Variants in MTUS2 observed in about 807,000 individuals in gnomAD.
MTUS2 encodes microtubule associated scaffold protein 2.
In MTUS2, 40 loss-of-function variants were observed where a neutral mutation model predicts 114.1. The ratio of observed to expected loss-of-function variants is 0.35; its 90% CI spans 0.27 to 0.46. The LOEUF (loss-of-function observed/expected upper bound fraction) is 0.46. Among genes scored for constraint, MTUS2 ranks in the 20% least tolerant of loss-of-function variants. The pLI is 1.00. For missense variants in MTUS2, 1,679 were observed against 1,705.4 expected, an observed-to-expected ratio of 0.98 and a Z score of 0.27; for synonymous variants, 688 against 672.0, an observed-to-expected ratio of 1.02 and a Z score of -0.37.
At chr13:28,945,822 T>G (rs189124400) in intron 2 of MTUS2, among the ~76,000 whole-genome samples, 34 of 152,350 alleles carry the variant, frequency 2.2e-4, no homozygotes, top group Middle Eastern at 6.8e-3. Context: ...AACTTTATAG[T>G]GTGAGTCCCA....
rs149994144 is a variant in MTUS2, at chr13:28,983,383, A to G, written c.-242-41074A>G. On this transcript the variant is annotated intron_variant, in intron 2 of 15. Coordinates refer to ENST00000612955, the MANE Select transcript of MTUS2 (RefSeq NM_001033602.4). ...CATGTGTGGCTGTTGTGCACTTCCA[A>G]TGTGGCTCATCCAAGTTGAGGTGTG... Among the ~76,000 whole-genome samples the G allele has an allele frequency of 4.8e-3, 727 of 152,338 alleles. 7 individuals are homozygous for G. The highest frequency in any genetic ancestry group is 0.016 in the African/African-American group (673 of 41,582).
intron 8 of MTUS2, among the ~76,000 whole-genome samples, chr13:29,365,825 T>G (rs1396909411): frequency 1.3e-5 from 2 of 152,208 alleles, no homozygotes; most frequent in Admixed American, 6.5e-5. Flanking sequence ...TTCACTTAAA[T>G]GTCACTGGCG....
chr13:29,205,152 C>T (rs1034908978), intron 5 of MTUS2, among the ~76,000 whole-genome samples: 1 of 152,194 alleles, frequency 6.6e-6, no homozygotes, highest in Non-Finnish European at 1.5e-5. Flanking sequence ...ACACAATAAA[C>T]TTGGATGCTC....
chr13:29,153,763 T>G (rs1174838471), intron 5 of MTUS2, among the ~76,000 whole-genome samples: 1 of 152,230 alleles, frequency 6.6e-6, no homozygotes, highest in Admixed American at 6.5e-5. Flanking sequence ...ATTTTCCTCT[T>G]TTATTCTTCC....
At chr13:29,085,780 C>CT (rs1296774226) in intron 4 of MTUS2, among the ~76,000 whole-genome samples, 1 of 152,128 alleles carries the variant, frequency 6.6e-6, no homozygotes, top group African/African-American at 2.4e-5. Flanking sequence ...GGTAGAATGA[C>CT]TTTTTTTCCT....
At chr13:29,250,050 C>T (rs1449458188) in intron 5 of MTUS2, among the ~76,000 whole-genome samples, 1 of 152,032 alleles carries the variant, frequency 6.6e-6, no homozygotes, top group Non-Finnish European at 1.5e-5. Context: ...AGCTTCTGCA[C>T]AGCAAAAGAT....
At chr13:29,138,663 CTG>C (rs1252178523) in intron 5 of MTUS2, among the ~76,000 whole-genome samples, 1 of 151,390 alleles carries the variant, frequency 6.6e-6, no homozygotes, top group African/African-American at 2.4e-5. Context: ...TTGTACAACT[CTG>C]TAAACATAAT....
At chr13:28,902,065 C>A (rs1227672369) in intron 2 of MTUS2, among the ~76,000 whole-genome samples, 3 of 152,148 alleles carry the variant, frequency 2.0e-5, no homozygotes, top group African/African-American at 7.2e-5. Flanking sequence ...GTTAAGTACA[C>A]ACTTAAGTAT....
chr13:28,989,631 A>G (rs572504206), intron 2 of MTUS2, among the ~76,000 whole-genome samples: 1 of 152,282 alleles, frequency 6.6e-6, no homozygotes, highest in East Asian at 1.9e-4. Flanking sequence ...ACAGGTGTCC[A>G]CAGGGCCCAC....
rs540355190 is a variant in MTUS2 at position 28,991,343 on chromosome 13, A to G, written c.-242-33114A>G. ...TTTCCATTGAGGTAGTGTACCAGTT[A>G]TGAAACTCAGGTTTGTCTCTTCAAT... On this transcript the variant is annotated intron_variant, in intron 2 of 15. Transcript: ENST00000612955. Among the ~76,000 whole-genome samples, 7 of 150,560 alleles carry G rather than the reference A, an allele frequency of 4.6e-5. No individual in the cohort carries two copies. The East Asian group carries it at 1.4e-3, about 30-fold the overall frequency.
chr13:29,344,294 AG>A (rs918951360), intron 7 of MTUS2, among the ~76,000 whole-genome samples: 10 of 151,984 alleles, frequency 6.6e-5, no homozygotes, highest in Middle Eastern at 3.4e-3. Flanking sequence ...TCATTTTTTT[AG>A]GTCTAATAGT....
At chr13:29,254,382 T>G (rs1441532060) in intron 5 of MTUS2, among the ~76,000 whole-genome samples, 1 of 151,916 alleles carries the variant, frequency 6.6e-6, no homozygotes, top group Non-Finnish European at 1.5e-5. Context: ...TGGGATAGAG[T>G]GGGGAAATGG....
At position 29,480,256 on chromosome 13, in the gene MTUS2, C is replaced by G. The variant is rs1457975458; in HGVS notation, c.3291C>G (p.Leu1097=). The G allele has an allele frequency of 6.4e-7, 1 of 1,553,960 alleles. No individual in the cohort carries two copies. Among genetic ancestry groups the G allele is most frequent in the African/African-American group, 1.4e-5 (1 of 73,338 alleles). ...TGGGCTGGCAGCAGCAGGCCGAGCT[C>G]CAGGAGCTGGAGGAGCGGCTGCAGC... ...KRLGWQQQAE[L]QELEERLQLQ... The change falls in exon 10 of 16, where the codon CTC becomes CTG. Residue 1097 remains leucine (L), a synonymous_variant. Transcript: ENST00000612955. This position sits in a 1 kb window ranked among gnomAD's most constrained non-coding sequence, Gnocchi z 4.4.
At chr13:28,950,339 C>T (rs562641509) in intron 2 of MTUS2, among the ~76,000 whole-genome samples, 10 of 152,218 alleles carry the variant, frequency 6.6e-5, no homozygotes, top group African/African-American at 1.7e-4. Context: ...GAAGGGCATT[C>T]GGGTATTAAT....
intron 2 of MTUS2, among the ~76,000 whole-genome samples, chr13:28,929,854 A>G (rs1881520794): frequency 6.6e-6 from 1 of 152,146 alleles, no homozygotes; most frequent in Non-Finnish European, 1.5e-5. Flanking sequence ...ACTGTGTAGT[A>G]TATGATCATT....
At chr13:29,253,199 G>A (rs1208112817) in intron 5 of MTUS2, among the ~76,000 whole-genome samples, 1 of 151,844 alleles carries the variant, frequency 6.6e-6, no homozygotes, top group Non-Finnish European at 1.5e-5. Flanking sequence ...GCCGAGGCAG[G>A]CAAATCACTT....
intron 2 of MTUS2, among the ~76,000 whole-genome samples, chr13:29,004,293 A>T (rs1253834128): frequency 6.6e-6 from 1 of 152,240 alleles, no homozygotes; most frequent in Non-Finnish European, 1.5e-5. Context: ...GATGGTTTGT[A>T]TATATTCTCA....
At chr13:29,281,419 CTG>C (rs10682778) in intron 5 of MTUS2, among the ~76,000 whole-genome samples, 5,372 of 146,008 alleles carry the variant, frequency 0.037, 89 homozygotes, top group Non-Finnish European at 0.039. Context: ...GTATGTATGT[CTG>C]TGTGTGTGTG....
At chr13:29,316,493 T>G (rs1899994743) in intron 6 of MTUS2, among the ~76,000 whole-genome samples, 1 of 152,104 alleles carries the variant, frequency 6.6e-6, no homozygotes, top group Non-Finnish European at 1.5e-5. Flanking sequence ...TCCTGCCCTC[T>G]CCCCAACACC....
Sources: allele counts gnomAD v4.1 joint callset (sites outside exome capture counted in the v4.1 genomes callset), GRCh38; gene constraint gnomAD v4.1.1; non-coding constraint Gnocchi (gnomAD v3.1); transcripts MANE v1.5; gene names NCBI Gene and HGNC (gene_info 2026-07-23, HGNC 2026-07-21).